The following STX7 variants were observed in gnomAD, a reference collection of about 807,000 sequenced individuals.
The protein encoded by STX7 is syntaxin 7.
A neutral mutation model predicts 39.6 loss-of-function variants in STX7; 34 were observed. That is an observed-to-expected ratio of 0.86 (90% CI 0.65 to 1.14). The LOEUF (loss-of-function observed/expected upper bound fraction) is 1.14. STX7 is among the 50% of genes most tolerant of loss of function. The probability of loss-of-function intolerance (pLI) is 0.00; values close to 1 mark genes in which losing one functional copy is unlikely to be tolerated. For missense variants in STX7, 284 were observed against 310.4 expected (o/e 0.92, Z 0.64); for synonymous variants, 119 against 99.1 (o/e 1.20, Z -1.19).
chr6:132,461,880 T>C (rs1774415686), intron 9 of STX7: 1 of 1,537,554 alleles, frequency 6.5e-7, no homozygotes. Context: ...TAGAAAAATT[T>C]GTAAATTTAC....
chr6:132,488,556 G>A (rs543696658), intron 2 of STX7, among the ~76,000 whole-genome samples: 2 of 151,974 alleles, frequency 1.3e-5, no homozygotes, highest in East Asian at 3.9e-4. Flanking sequence ...ACTGTCTTAT[G>A]AGGGAGTTCT....
rs1418805093 is a variant in STX7 at position 132,446,730 on chromosome 6, A to C, written c.*14028T>G. On this transcript the variant is annotated 3_prime_UTR_variant, in exon 10 of 10. Transcript: ENST00000367941. ...TCTGGCTGCACATACAGAGCAGCAC[A>C]TTCCACACACTGCCCTAATTGGATC... The C allele has an allele frequency of 6.6e-6, 1 of 152,216 alleles. No individual in the cohort carries two copies. The highest frequency in any genetic ancestry group is 1.5e-5 in the Non-Finnish European group (1 of 68,030). The allele number at this position is 152,216 out of a possible 1,614,324, so 9.4% of individuals were successfully genotyped here. A position where few individuals can be genotyped will look rare whatever the true frequency, so the allele number is the denominator to read the frequency against.
chr6:132,464,009 C>G lies in STX7; in HGVS notation c.677G>C (p.Arg226Thr), dbSNP rs777413406. ...HVQQANQQLSRAADYQRKSRK... is the reference protein window; with the variant it reads ...HVQQANQQLSTAADYQRKSRK... Reference sequence around the variant, plus strand: ...TTAAATTACCTGATAATCTGCTGCCCTTGACAGCTGCTGATTTGCTTGCTG... The same window carrying G: ...TTAAATTACCTGATAATCTGCTGCCGTTGACAGCTGCTGATTTGCTTGCTG... Residue 226 changes from arginine to threonine, a missense_variant, in exon 9 of 10, where the codon AGG becomes ACG. Physicochemically the swap from Arg to Thr is moderately conservative, Grantham distance 71. Transcript: ENST00000367941. 1.2e-6 allele frequency: 2 copies of G among 1,614,046 alleles called. No individual in the cohort carries two copies. The highest frequency in any genetic ancestry group is 1.7e-6 in the Non-Finnish European group (2 of 1,179,986).
intron 2 of STX7, among the ~76,000 whole-genome samples, chr6:132,493,360 C>CCAAA (rs1049502528): frequency 3.3e-5 from 5 of 152,046 alleles, no homozygotes; most frequent in African/African-American, 1.2e-4. Flanking sequence ...GTGTCCCCAC[C>CCAAA]CAAACCACAT....
chr6:132,508,435 A>G (rs1402869064), intron 1 of STX7, among the ~76,000 whole-genome samples: 5 of 152,188 alleles, frequency 3.3e-5, no homozygotes, highest in Admixed American at 3.3e-4. Flanking sequence ...CCTGCTGGTG[A>G]GACAATTGGC....
At chr6:132,476,967 T>C (rs532788011) in intron 2 of STX7, among the ~76,000 whole-genome samples, 6 of 152,280 alleles carry the variant, frequency 3.9e-5, no homozygotes, top group Non-Finnish European at 8.8e-5. Context: ...GGTTTACTTA[T>C]ATAGCTTAAA....
chr6:132,479,950 G>A (rs1437147122), intron 2 of STX7, among the ~76,000 whole-genome samples: 1 of 152,124 alleles, frequency 6.6e-6, no homozygotes, highest in Non-Finnish European at 1.5e-5. Context: ...CCGTTGTTGA[G>A]GGTTGACCCA....
At position 132,449,005 on chromosome 6, in the gene STX7, A is replaced by G. The variant is rs1391291148; in HGVS notation, c.*11753T>C. 6.6e-6 allele frequency: 1 copy of G among 150,656 alleles called. No homozygotes were observed. The highest frequency in any genetic ancestry group is 1.5e-5 in the Non-Finnish European group (1 of 67,816). 9.3% of individuals were successfully genotyped at this position (150,656 alleles called of 1,614,324 possible). A position where few individuals can be genotyped will look rare whatever the true frequency, so the allele number is the denominator to read the frequency against. ...GGTTGATATACATTTTGCTTCTTGT[A>G]TATGTGGATCCACTTTTTTTTTTTT... On this transcript the variant is annotated 3_prime_UTR_variant, in exon 10 of 10. Transcript: ENST00000367941.
In STX7 at chr6:132,447,371, A is replaced by G. The variant is rs1774036460; in HGVS notation, c.*13387T>C. 6.6e-6 allele frequency: 1 copy of G among 152,232 alleles called. No homozygotes were observed. Among genetic ancestry groups the G allele is most frequent in the African/African-American group, 2.4e-5 (1 of 41,476 alleles). The allele number at this position is 152,232 out of a possible 1,614,324, so 9.4% of individuals were successfully genotyped here. The stretch of plus-strand genomic sequence containing the variant: ...AAATCTTTCCCTATCAGAGGTCCCC[A>G]AAACATTCCTTTATCATTTTCCTTC... On this transcript the variant is annotated 3_prime_UTR_variant, in exon 10 of 10. Transcript: ENST00000367941.
intron 2 of STX7, among the ~76,000 whole-genome samples, chr6:132,485,711 A>G (rs1056836667): frequency 2.6e-5 from 4 of 152,210 alleles, no homozygotes; most frequent in African/African-American, 9.6e-5. Flanking sequence ...CAAATAGGTT[A>G]ATAGTGGTAT....
At chr6:132,494,296 G>A (rs777972730) in intron 2 of STX7, among the ~76,000 whole-genome samples, 11 of 151,882 alleles carry the variant, frequency 7.2e-5, no homozygotes, top group Admixed American at 1.3e-4. Flanking sequence ...AAAAATGAAC[G>A]AATAAAATTA....
chr6:132,509,463 AT>A (rs1562343496), intron 1 of STX7, among the ~76,000 whole-genome samples: 2,645 of 10,176 alleles, frequency 0.26, 388 homozygotes, highest in African/African-American at 0.38. Flanking sequence ...ATAACATAAC[AT>A]AACATAACAT....
At chr6:132,476,733 G>A (rs1444624542) in intron 2 of STX7, among the ~76,000 whole-genome samples, 1 of 152,038 alleles carries the variant, frequency 6.6e-6, no homozygotes, top group African/African-American at 2.4e-5. Context: ...AAAATAAAAA[G>A]TCCAGGGCTT....
At chr6:132,468,758 A>G (rs559449271) in intron 7 of STX7, among the ~76,000 whole-genome samples, 94 of 152,348 alleles carry the variant, frequency 6.2e-4, no homozygotes, top group Non-Finnish European at 1.2e-3. Context: ...TCTATAATAG[A>G]GAAGAGCCAT....
chr6:132,450,785 G>C lies in STX7; in HGVS notation c.*9973C>G, dbSNP rs546377623. The C allele has an allele frequency of 2.4e-4, 37 of 151,914 alleles. 1 individual carries two copies. The highest frequency in any genetic ancestry group is 2.0e-3 in the Admixed American group (31 of 15,268). 9.4% of individuals were successfully genotyped at this position (151,914 alleles called of 1,614,324 possible). On this transcript the variant is annotated 3_prime_UTR_variant, in exon 10 of 10. Coordinates refer to ENST00000367941, the MANE Select transcript of STX7 (RefSeq NM_003569.3). ...GATGAACAGAACCTCAGGGACTTAC[G>C]GAACTACAATAAATCTAACATTTGT...
intron 2 of STX7, among the ~76,000 whole-genome samples, chr6:132,482,907 C>A (rs1775046375): frequency 6.6e-6 from 1 of 151,818 alleles, no homozygotes; most frequent in Non-Finnish European, 1.5e-5. Context: ...CCCGTAGAGC[C>A]TGAAACCTGG....
intron 1 of STX7, among the ~76,000 whole-genome samples, chr6:132,505,026 T>C (rs1775662512): frequency 1.3e-5 from 2 of 152,000 alleles, no homozygotes; most frequent in Admixed American, 6.6e-5. Context: ...GAAAACAACA[T>C]AAAGGGAAAG....
chr6:132,492,340 C>T (rs1245298539), intron 2 of STX7, among the ~76,000 whole-genome samples: 3 of 152,206 alleles, frequency 2.0e-5, no homozygotes, highest in African/African-American at 4.8e-5. Context: ...CAGCACATGC[C>T]GGTATGTTTT....
In STX7 at chr6:132,489,089, C is replaced by A. The variant is rs534778610; in HGVS notation, c.86-13427G>T. Among the ~76,000 whole-genome samples, 10 of 151,342 alleles carry A rather than the reference C, an allele frequency of 6.6e-5. No homozygotes were observed. In the South Asian group the frequency reaches 2.1e-3, roughly 32 times the overall value. On this transcript the variant is annotated intron_variant, in intron 2 of 9. Coordinates refer to ENST00000367941, the MANE Select transcript of STX7 (RefSeq NM_003569.3). ...TGGTGGCACACCCCTGTAGTCCAAG[C>A]TACTCGAGAGGCTGAAGCACAAGAA...
Sources: gnomAD v4.1 joint callset for allele counts (sites outside exome capture counted in the v4.1 genomes callset) on GRCh38, gnomAD v4.1.1 for gene constraint, MANE v1.5 for transcripts, NCBI Gene and HGNC (gene_info 2026-07-23, HGNC 2026-07-21) for gene names.